Variants in RABGGTA observed in about 807,000 individuals in gnomAD.
RABGGTA encodes geranylgeranyl transferase type-2 subunit alpha.
In RABGGTA, 69 loss-of-function variants were observed where a neutral mutation model predicts 83.3. The observed-to-expected ratio is 0.83, with a 90% CI of 0.68 to 1.01. RABGGTA has a LOEUF of 1.01. Ranked by LOEUF, RABGGTA falls within the 50% of genes least tolerant of loss-of-function variation. RABGGTA has a pLI of 0.00. For missense variants in RABGGTA, 681 were observed against 712.7 expected (o/e 0.96, Z 0.51); for synonymous variants, 310 against 299.8 (o/e 1.03, Z -0.35).
Position 24,269,391 on chromosome 14 carries a change from G to A in RABGGTA, c.631+100C>T, listed in dbSNP as rs144707328. ...CCCTGGAGCCACGCATGAAGTAGGT[G>A]CTCAATAAACCTGAGTGACAGGTTC... On this transcript the variant is annotated intron_variant, in intron 6 of 16. Transcript: ENST00000216840. The A allele has an allele frequency of 8.2e-5, 113 of 1,375,608 alleles. No individual in the cohort carries two copies. In the African/African-American group the frequency reaches 1.4e-3, roughly 18 times the overall value. 85.2% of individuals were successfully genotyped at this position (1,375,608 alleles called of 1,614,324 possible).
At position 24,269,706 on chromosome 14, in the gene RABGGTA, A is replaced by G. The variant is rs2040920914; in HGVS notation, c.428-12T>C. On this transcript the variant is annotated splice_polypyrimidine_tract_variant and intron_variant, in intron 5 of 16. Coordinates refer to ENST00000216840, the MANE Select transcript of RABGGTA (RefSeq NM_182836.3). ...GTCCCAGCAGTGAACTGGAGGGGAG[A>G]GGTGACAGCATATCTTAGAGGCAGG... 1 of 1,612,972 alleles carries G rather than the reference A, an allele frequency of 6.2e-7. No homozygotes were observed. Among genetic ancestry groups the G allele is most frequent in the East Asian group, 2.2e-5 (1 of 44,864 alleles).
intron 1 of RABGGTA, 105 bp from the exon 2 acceptor site, chr14:24,271,274 A>C (rs2040947275): frequency 1.0e-6 from 1 of 957,016 alleles, no homozygotes. Context: ...CAGAGTGTAA[A>C]GAGGTCCTGG....
In RABGGTA at chr14:24,270,365, G is replaced by A. The variant is rs780920897; in HGVS notation, c.208C>T (p.Arg70Ter). ...PDFATLWNCR[R>*]EVLQQLETQK... ...GTCTCCAGCTGCTGGAGCACCTCTCGTCGGCAGTTCCAGAGGGTGGCAAAA... is the reference window on the plus strand; with the variant it reads ...GTCTCCAGCTGCTGGAGCACCTCTCATCGGCAGTTCCAGAGGGTGGCAAAA... The change falls in exon 4 of 17, where the codon CGA becomes TGA. Residue 70 changes from arginine (R) to a stop codon, truncating the protein, a stop_gained. Transcript: ENST00000216840. LOFTEE classifies it high-confidence loss of function. 5 of 1,613,906 alleles carry A rather than the reference G, an allele frequency of 3.1e-6. No homozygotes were observed. The highest frequency in any genetic ancestry group is 2.2e-5 in the East Asian group (1 of 44,886).
chr14:24,269,844 C>A, intron 5 of RABGGTA, 109 bp downstream of exon 5: 1 of 1,456,480 alleles, frequency 6.9e-7, no homozygotes. Context: ...TCAGCACCAG[C>A]TCAGTGGACC....
intron 1 of RABGGTA, 83 bp from the exon 2 acceptor site, chr14:24,271,252 G>C: frequency 8.5e-7 from 1 of 1,173,858 alleles, no homozygotes; most frequent in Non-Finnish European, 1.2e-6. Flanking sequence ...AGCGTGCCTG[G>C]GCAGAGACCC....
In RABGGTA at chr14:24,270,690, G is replaced by T. The variant is rs1331231368; in HGVS notation, c.114+147C>A. 2.4e-6 allele frequency: 3 copies of T among 1,260,380 alleles called. No homozygotes were observed. The East Asian group carries it at 7.6e-5, about 32-fold the overall frequency. The allele number at this position is 1,260,380 out of a possible 1,614,324, so 78.1% of individuals were successfully genotyped here. ...AGATGAGCAAACTGAGGCCCAAAGA[G>T]ATTCAGCAACTTGCCCAAAGTCATA... On this transcript the variant is annotated intron_variant, in intron 3 of 16. Transcript: ENST00000216840.
In RABGGTA at chr14:24,266,781, G is replaced by C. The variant is rs775062184; in HGVS notation, c.1462C>G (p.Leu488Val). ...LPPALAALRC[L>V]EVLQASDNAI... ...CGGAGACATGGGTACTTTACCTCAA[G>C]GCAGCGCAGGGCAGCCAGTGCAGGT... Residue 488 changes from leucine (L) to valine (V), a missense_variant, in exon 15 of 17, where the codon CTT becomes GTT. Transcript: ENST00000216840. 1.2e-6 allele frequency: 2 copies of C among 1,612,412 alleles called. No individual in the cohort carries two copies. The highest frequency in any genetic ancestry group is 1.1e-5 in the South Asian group (1 of 91,054).
At chr14:24,270,579 C>T in intron 3 of RABGGTA, 121 bp from the exon 4 acceptor site, 16 of 1,343,944 alleles carry the variant, frequency 1.2e-5, no homozygotes, top group Non-Finnish European at 1.7e-5. Context: ...GTACTATGAA[C>T]CATGCTTTAT....
rs1481812196 is a variant in RABGGTA, at chr14:24,269,540, C to T, written c.582G>A (p.Gln194=). The change falls in exon 6 of 17, where the codon CAG becomes CAA. Residue 194 remains glutamine, a synonymous_variant. Coordinates refer to ENST00000216840, the MANE Select transcript of RABGGTA (RefSeq NM_182836.3). ...RSCLLPQLHP[Q]PDSGPQGRLP... ...GGCGCCCCTGTGGTCCAGAATCCGGCTGGGGGTGCAGCTGGGGCAAGAGAC... is the reference window on the plus strand; with the variant it reads ...GGCGCCCCTGTGGTCCAGAATCCGGTTGGGGGTGCAGCTGGGGCAAGAGAC... The T allele has an allele frequency of 6.2e-7, 1 of 1,609,784 alleles. No homozygotes were observed.
At chr14:24,269,789 C>A in intron 5 of RABGGTA, 95 bp from the exon 6 acceptor site, 3 of 1,455,614 alleles carry the variant, frequency 2.1e-6, no homozygotes, top group South Asian at 1.2e-5. Context: ...CCTAGAAACA[C>A]CTCAGTGCAC....
In RABGGTA at chr14:24,271,479, G is replaced by A. The variant is rs1163933198; in HGVS notation, c.-55+8C>T. 2 of 203,048 alleles carry A rather than the reference G, an allele frequency of 9.8e-6. No homozygotes were observed. Among genetic ancestry groups the A allele is most frequent in the Admixed American group, 1.2e-4 (2 of 16,668 alleles). The allele number at this position is 203,048 out of a possible 1,614,324, so 12.6% of individuals were successfully genotyped here. On this transcript the variant is annotated splice_region_variant and intron_variant, in intron 1 of 16. Coordinates refer to ENST00000216840, the MANE Select transcript of RABGGTA (RefSeq NM_182836.3). The stretch of plus-strand genomic sequence containing the variant: ...CCGGGCACCCCCGCCCCCCGCGGGC[G>A]GACCCACCTGCGCTGGGAGGAGGCG...
intron 6 of RABGGTA, 133 bp from the exon 7 acceptor site, chr14:24,269,296 A>G (rs1206421859): frequency 9.6e-7 from 1 of 1,040,238 alleles, no homozygotes; most frequent in African/African-American, 1.6e-5. Flanking sequence ...CACAGGGGCT[A>G]CGTATGTCAG....
In RABGGTA at chr14:24,268,913, A is replaced by G. The variant is rs2040908092; in HGVS notation, c.796T>C (p.Leu266=). The G allele has an allele frequency of 6.3e-7, 1 of 1,582,418 alleles. No individual in the cohort carries two copies. Among genetic ancestry groups the G allele is most frequent in the Non-Finnish European group, 8.6e-7 (1 of 1,163,630 alleles). The stretch of plus-strand genomic sequence containing the variant: ...TTGACAAAAGCTGCAGGACTCACTA[A>G]GAGGGGCCGAGAGAAGGAGACAGTC... ...CLTVSFSRPL[L]VGSRMEILLL... The change falls in exon 8 of 17, where the codon TTA becomes CTA. Residue 266 remains leucine, a splice_region_variant and synonymous_variant. Coordinates refer to ENST00000216840, the MANE Select transcript of RABGGTA (RefSeq NM_182836.3).
At position 24,267,851 on chromosome 14, in the gene RABGGTA, T is replaced by G. The variant is rs765341896; in HGVS notation, c.1236+19A>C. 4 of 1,612,656 alleles carry G rather than the reference T, an allele frequency of 2.5e-6. No homozygotes were observed. Among genetic ancestry groups the G allele is most frequent in the Non-Finnish European group, 2.5e-6 (3 of 1,179,048 alleles). ...GCCTGCTGGGCCTCCCCCTGGTCTG[T>G]TCTGCAGACAGAACTTGCCTTGAGG... On this transcript the variant is annotated intron_variant, in intron 13 of 16. Coordinates refer to ENST00000216840, the MANE Select transcript of RABGGTA (RefSeq NM_182836.3).
Position 24,271,259 on chromosome 14 carries a change from A to AC in RABGGTA, c.-54-91dup, listed in dbSNP as rs1303894854. 7 of 1,105,604 alleles carry AC rather than the reference A, an allele frequency of 6.3e-6. No individual in the cohort carries two copies. The South Asian group carries it at 9.3e-5, about 15-fold the overall frequency. 68.5% of individuals were successfully genotyped at this position (1,105,604 alleles called of 1,614,324 possible). On this transcript the variant is annotated intron_variant, in intron 1 of 16. Transcript: ENST00000216840. Reference sequence around the variant, plus strand: ...AAGCAGCAAGCGTGCCTGGGCAGAGACCCCCAGAGTGTAAAGAGGTCCTGG... The same window carrying AC: ...AAGCAGCAAGCGTGCCTGGGCAGAGACCCCCCAGAGTGTAAAGAGGTCCTGG...
chr14:24,270,778 G>A, intron 3 of RABGGTA, 59 bp downstream of exon 3: 4 of 1,573,786 alleles, frequency 2.5e-6, no homozygotes, highest in Non-Finnish European at 3.5e-6. Flanking sequence ...ACCAGCTCTT[G>A]GCCTCTGCAC....
intron 14 of RABGGTA, 100 bp from the exon 15 acceptor site, chr14:24,266,989 A>G: frequency 1.1e-6 from 1 of 878,608 alleles, no homozygotes; most frequent in Non-Finnish European, 1.9e-6. Flanking sequence ...TGTGCCCCAC[A>G]GGCCCTTGGG....
In RABGGTA at chr14:24,268,104, C is replaced by T. The variant is rs773362886; in HGVS notation, c.1147+6G>A. 1.9e-6 allele frequency: 3 copies of T among 1,613,678 alleles called. No individual in the cohort carries two copies. The highest frequency in any genetic ancestry group is 8.5e-7 in the Non-Finnish European group (1 of 1,179,808). On this transcript the variant is annotated splice_donor_region_variant and intron_variant, in intron 12 of 16. Coordinates refer to ENST00000216840, the MANE Select transcript of RABGGTA (RefSeq NM_182836.3). ...GGGAGCAGACTCTCACGGAATGGGG[C>T]CTCACATTTATTCTCAGGCTCCAGC...
rs1425142186 is a variant in RABGGTA, at chr14:24,271,180, A to G, written c.-54-11T>C. 6.7e-7 allele frequency: 1 copy of G among 1,489,160 alleles called. No individual in the cohort carries two copies. Among genetic ancestry groups the G allele is most frequent in the Non-Finnish European group, 8.9e-7 (1 of 1,118,298 alleles). The allele number at this position is 1,489,160 out of a possible 1,614,324, so 92.2% of individuals were successfully genotyped here. A position where few individuals can be genotyped will look rare whatever the true frequency, so the allele number is the denominator to read the frequency against. Reference sequence around the variant, plus strand: ...GGTAGCCCTTGAAGTCTGAGGAGAGAAGTGTCAATCACGTAGCCCCGCCCC... The same window carrying G: ...GGTAGCCCTTGAAGTCTGAGGAGAGGAGTGTCAATCACGTAGCCCCGCCCC... On this transcript the variant is annotated splice_polypyrimidine_tract_variant and intron_variant, in intron 1 of 16. Coordinates refer to ENST00000216840, the MANE Select transcript of RABGGTA (RefSeq NM_182836.3).
Sources: gnomAD v4.1 joint callset for allele counts on GRCh38, gnomAD v4.1.1 for gene constraint, MANE v1.5 for transcripts, NCBI Gene and HGNC (gene_info 2026-07-23, HGNC 2026-07-21) for gene names.